Variants in TGFBR3 observed in about 807,000 individuals in gnomAD.
TGFBR3 encodes transforming growth factor beta receptor type 3.
A neutral mutation model predicts 87.9 loss-of-function variants in TGFBR3; 46 were observed. The ratio of observed to expected loss-of-function variants is 0.52; its 90% confidence interval spans 0.41 to 0.67. The LOEUF is 0.67. TGFBR3 is among the 30% of genes least tolerant of loss of function. TGFBR3 has a pLI of 0.00. For missense variants in TGFBR3, 866 were observed against 1,041.9 expected (o/e 0.83, Z 2.32); for synonymous variants, 381 against 391.6 (o/e 0.97, Z 0.32).
At chr1:91,881,035 A>T (rs1287130582) in intron 1 of TGFBR3, among the ~76,000 whole-genome samples, 1 of 152,148 alleles carries the variant, frequency 6.6e-6, no homozygotes, top group Non-Finnish European at 1.5e-5. Context: ...ATGAACTATC[A>T]AGAAGGGAGG....
Position 91,729,828 on chromosome 1 carries a change from G to A in TGFBR3, c.714C>T (p.Ile238=). Residue 238 remains isoleucine, a synonymous_variant, in exon 6 of 17, where the codon ATC becomes ATT. Transcript: ENST00000212355. ...ACCTGTAGGGGTTAGAGTTGGGGGTGATTAGCTCGATGATGTGTACTTCCT... is the reference window on the plus strand; with the variant it reads ...ACCTGTAGGGGTTAGAGTTGGGGGTAATTAGCTCGATGATGTGTACTTCCT... ...QNEEVHIIEL[I]TPNSNPYSAF... is the part of the protein sequence containing the mutation. The A allele has an allele frequency of 1.2e-6, 2 of 1,614,172 alleles. No homozygotes were observed. Among genetic ancestry groups the A allele is most frequent in the Non-Finnish European group, 8.5e-7 (1 of 1,180,008 alleles).
chr1:91,883,609 G>C (rs940445652), intron 1 of TGFBR3, among the ~76,000 whole-genome samples: 1 of 152,050 alleles, frequency 6.6e-6, no homozygotes, highest in African/African-American at 2.4e-5. Context: ...AAATAACAAT[G>C]AACTCCCCAC....
rs1167768219 is a variant in TGFBR3 at position 91,758,622 on chromosome 1, T to C, written c.375A>G (p.Arg125=). ...KTERLATGVS[R]LFLVSEGSVV... ...AGGTTTAAGCACTTACCAAAAACAG[T>C]CTGGAGACCCCAGTGGCAAGTCTCT... The change falls in exon 4 of 17, where the codon AGA becomes AGG. Residue 125 remains arginine (R), a synonymous_variant. Transcript: ENST00000212355. 6.2e-7 allele frequency: 1 copy of C among 1,613,888 alleles called. No homozygotes were observed. The highest frequency in any genetic ancestry group is 8.5e-7 in the Non-Finnish European group (1 of 1,179,876).
At chr1:91,739,056 G>C (rs1673058023) in intron 4 of TGFBR3, among the ~76,000 whole-genome samples, 1 of 152,218 alleles carries the variant, frequency 6.6e-6, no homozygotes, top group South Asian at 2.1e-4. Flanking sequence ...ACACAGGGCT[G>C]AGAGGAGGTT....
At position 91,681,269 on chromosome 1, in the gene TGFBR3, A is replaced by G. The variant is rs1358453096; in HGVS notation, c.*2470T>C. On this transcript the variant is annotated 3_prime_UTR_variant, in exon 17 of 17. Coordinates refer to ENST00000212355, the MANE Select transcript of TGFBR3 (RefSeq NM_003243.5). ...TATTTTTTTCATGTTCATTTTTTAG[A>G]AACATTTCAGAAATACTTAACGACA... The G allele has an allele frequency of 4.5e-6, 2 of 441,916 alleles. No individual in the cohort carries two copies. Among genetic ancestry groups the G allele is most frequent in the Non-Finnish European group, 9.0e-6 (2 of 222,748 alleles). The allele number at this position is 441,916 out of a possible 1,614,324, so 27.4% of individuals were successfully genotyped here.
At chr1:91,866,436 G>A (rs185516932) in intron 1 of TGFBR3, among the ~76,000 whole-genome samples, 134 of 152,250 alleles carry the variant, frequency 8.8e-4, no homozygotes, top group Non-Finnish European at 1.6e-3. Flanking sequence ...AAGCACAACT[G>A]ATATTCAATA....
At chr1:91,699,660 A>G (rs763768568) in intron 14 of TGFBR3, among the ~76,000 whole-genome samples, 4 of 152,174 alleles carry the variant, frequency 2.6e-5, no homozygotes, top group Non-Finnish European at 5.9e-5. Context: ...GAAGGCAGAA[A>G]AAAATTTTGT....
At chr1:91,699,421 CTT>C (rs1241349167) in intron 14 of TGFBR3, among the ~76,000 whole-genome samples, 2 of 115,418 alleles carry the variant, frequency 1.7e-5, no homozygotes, top group East Asian at 2.3e-4. Context: ...CTCTTTTTCT[CTT>C]TCTTTTGCTT....
In TGFBR3 at chr1:91,716,637, A is replaced by C. The variant is rs756683171; in HGVS notation, c.1638T>G (p.Gly546=). The change falls in exon 11 of 17, where the codon GGT becomes GGG. Residue 546 remains glycine (G), a synonymous_variant. Coordinates refer to ENST00000212355, the MANE Select transcript of TGFBR3 (RefSeq NM_003243.5). ...CCATATCTCCCGGAAATCCATTATC[A>C]CCTGACTCCAGATCTTCATAACCAT... ...WPDGYEDLES[G]DNGFPGDMDE... is the part of the protein sequence containing the mutation. 6.2e-7 allele frequency: 1 copy of C among 1,614,082 alleles called. No individual in the cohort carries two copies.
At chr1:91,893,644 AT>A (rs1178391036) in intron 2 of TGFBR3, among the ~76,000 whole-genome samples, 2 of 151,692 alleles carry the variant, frequency 1.3e-5, no homozygotes, top group Non-Finnish European at 2.9e-5. Context: ...TTTATGTTGT[AT>A]TTTTTATTTT....
intron 9 of TGFBR3, 138 bp downstream of exon 9, chr1:91,719,755 G>T: frequency 2.0e-6 from 2 of 994,056 alleles, no homozygotes; most frequent in Non-Finnish European, 3.1e-6. Context: ...AGGGGAAGTA[G>T]GCCCATCCAA....
intron 6 of TGFBR3, among the ~76,000 whole-genome samples, chr1:91,729,021 G>A (rs1475566893): frequency 6.9e-6 from 1 of 145,442 alleles, no homozygotes; most frequent in Non-Finnish European, 1.5e-5. Flanking sequence ...ACCATGAAGG[G>A]CCACTCCAGC....
chr1:91,837,975 G>A (rs1677120147), intron 2 of TGFBR3, among the ~76,000 whole-genome samples: 1 of 152,164 alleles, frequency 6.6e-6, no homozygotes, highest in Non-Finnish European at 1.5e-5. Context: ...TGCCCATGCT[G>A]ACAATGATAG....
chr1:91,829,173 C>G (rs1341857252), intron 2 of TGFBR3, among the ~76,000 whole-genome samples: 1 of 151,930 alleles, frequency 6.6e-6, no homozygotes, highest in Non-Finnish European at 1.5e-5. Context: ...GTCAGGAGTT[C>G]AAGACCAGCC....
chr1:91,830,966 A>C (rs550627291), intron 2 of TGFBR3, among the ~76,000 whole-genome samples: 1 of 152,232 alleles, frequency 6.6e-6, no homozygotes, highest in East Asian at 1.9e-4. Context: ...CCTCCCACCC[A>C]GTACACACAG....
At chr1:91,723,781 G>C (rs981798183) in intron 7 of TGFBR3, among the ~76,000 whole-genome samples, 5 of 152,092 alleles carry the variant, frequency 3.3e-5, no homozygotes. Flanking sequence ...CACCATTTTC[G>C]TGCTGTATAA....
intron 2 of TGFBR3, among the ~76,000 whole-genome samples, chr1:91,834,433 A>G (rs1052451863): frequency 6.6e-6 from 1 of 152,252 alleles, no homozygotes; most frequent in Non-Finnish European, 1.5e-5. Context: ...AAGAATGGGC[A>G]TGACATATGA....
chr1:91,745,669 C>T (rs1673319417), intron 4 of TGFBR3, among the ~76,000 whole-genome samples: 2 of 152,242 alleles, frequency 1.3e-5, no homozygotes, highest in Non-Finnish European at 2.9e-5. Context: ...TCTCCCTACC[C>T]AATTCCTGGG....
Position 91,719,460 on chromosome 1 carries a change from C to A in TGFBR3, c.1418G>T (p.Ser473Ile). Residue 473 changes from serine to isoleucine, a missense_variant, in exon 10 of 17, where the codon AGT (serine) becomes ATT (isoleucine). By Grantham distance (142) the Ser-to-Ile change is moderately radical. Transcript: ENST00000212355. ...GGTGACGTCCATCCCCGAGTAGCCA[C>A]TGGCCTAAAACAACAACCACCAAAG... ...VAVEKDSFQA[S>I]GYSGMDVTLL... is the part of the protein sequence containing the mutation. 1 of 1,614,100 alleles carries A rather than the reference C, an allele frequency of 6.2e-7. No homozygotes were observed. The highest frequency in any genetic ancestry group is 8.5e-7 in the Non-Finnish European group (1 of 1,180,006).
Sources: allele counts gnomAD v4.1 joint callset (sites outside exome capture counted in the v4.1 genomes callset), GRCh38; gene constraint gnomAD v4.1.1; transcripts MANE v1.5; gene names NCBI Gene and HGNC (gene_info 2026-07-23, HGNC 2026-07-21).